The following EIF3L variants were observed in gnomAD, a reference collection of about 807,000 sequenced individuals.
The protein encoded by EIF3L is eukaryotic translation initiation factor 3 subunit L.
Under a neutral mutation model 74.6 loss-of-function variants are expected in EIF3L, and 32 were observed. The ratio of observed to expected loss-of-function variants is 0.43; its 90% CI spans 0.32 to 0.58. The LOEUF (loss-of-function observed/expected upper bound fraction) is 0.58. Among genes scored for constraint, EIF3L ranks in the 20% least tolerant of loss-of-function variants. The pLI is 0.06. For synonymous variants in EIF3L, 256 were observed against 254.4 expected, an observed-to-expected ratio of 1.01 and a Z score of -0.06; for missense variants, 474 against 707.8, an observed-to-expected ratio of 0.67 and a Z score of 3.75.
intron 7 of EIF3L, among the ~76,000 whole-genome samples, chr22:37,869,904 C>T (rs900532709): frequency 7.9e-5 from 12 of 152,150 alleles, no homozygotes; most frequent in African/African-American, 2.9e-4. Flanking sequence ...TGTTTGACTC[C>T]AGATTGGATG....
intron 8 of EIF3L, among the ~76,000 whole-genome samples, chr22:37,870,958 C>CA (rs966701195): frequency 2.6e-5 from 4 of 151,338 alleles, no homozygotes; most frequent in African/African-American, 4.9e-5. Context: ...GACTTTGTCT[C>CA]AAAAAAAATG....
At chr22:37,868,816 A>G (rs1301665332) in intron 7 of EIF3L, among the ~76,000 whole-genome samples, 1 of 151,248 alleles carries the variant, frequency 6.6e-6, no homozygotes, top group Non-Finnish European at 1.5e-5. Flanking sequence ...CTAGTTTTGC[A>G]TTTTTTGTAC....
intron 1 of EIF3L, 127 bp downstream of exon 1, chr22:37,849,609 C>G: frequency 9.3e-7 from 1 of 1,073,852 alleles, no homozygotes; most frequent in Non-Finnish European, 1.4e-6. Context: ...GCCCGGCCCT[C>G]AGGCTGCTCC....
intron 3 of EIF3L, 50 bp from the exon 4 acceptor site, chr22:37,855,515 G>C: frequency 6.6e-7 from 1 of 1,523,138 alleles, no homozygotes; most frequent in Non-Finnish European, 9.1e-7. Flanking sequence ...GTTAGGATTG[G>C]CATTCTCCAG....
chr22:37,877,464 A>T, intron 10 of EIF3L: 1 of 577,280 alleles, frequency 1.7e-6, no homozygotes, highest in Non-Finnish European at 3.0e-6. Flanking sequence ...TAAGGAATCC[A>T]GAAGATGGCT....
In EIF3L at chr22:37,862,419, T is replaced by C. The variant is rs12628622; in HGVS notation, c.436-550T>C. Reference sequence around the variant, plus strand: ...GTCTCGAGGGCCATGATGGTTTCTGTCAGATCTGTTCAGCTATGTCTTTGT... The same window carrying C: ...GTCTCGAGGGCCATGATGGTTTCTGCCAGATCTGTTCAGCTATGTCTTTGT... On this transcript the variant is annotated intron_variant, in intron 5 of 12. Transcript: ENST00000652021. 2.2e-4 allele frequency among the ~76,000 whole-genome samples: 33 copies of C among 152,326 alleles called. No homozygotes were observed. In the East Asian group the frequency reaches 5.8e-3, roughly 27 times the overall value.
intron 7 of EIF3L, among the ~76,000 whole-genome samples, chr22:37,866,556 C>T (rs940990214): frequency 3.9e-5 from 6 of 152,218 alleles, no homozygotes; most frequent in Non-Finnish European, 7.4e-5. Context: ...GAAGCCAAGG[C>T]GGGTGGATCA....
chr22:37,850,765 A>G (rs1233647000), intron 2 of EIF3L, among the ~76,000 whole-genome samples: 1 of 152,208 alleles, frequency 6.6e-6, no homozygotes, highest in Non-Finnish European at 1.5e-5. Context: ...AGTGTTATCC[A>G]TTGTTCTAAG....
intron 5 of EIF3L, among the ~76,000 whole-genome samples, 166 bp from the exon 6 acceptor site, chr22:37,862,803 T>C (rs5756843): frequency 0.58 from 87,832 of 152,098 alleles, 25,753 homozygotes; most frequent in East Asian, 0.86. Context: ...GTGCGTCAGC[T>C]GCTATAGGAC....
At chr22:37,860,415 C>T (rs1049434629) in intron 5 of EIF3L, among the ~76,000 whole-genome samples, 1 of 152,150 alleles carries the variant, frequency 6.6e-6, no homozygotes, top group African/African-American at 2.4e-5. Context: ...AATGCAGTGG[C>T]GCCGTCTCGG....
chr22:37,858,666 C>T lies in EIF3L; in HGVS notation c.374-13C>T, dbSNP rs1348235014. On this transcript the variant is annotated splice_polypyrimidine_tract_variant and intron_variant, in intron 4 of 12. Transcript: ENST00000652021. ...TTATGGTTAGTGAAGCACCCTTCTG[C>T]CATCTCTTTCAGATGCTGTCTTCCT... 8 of 1,609,664 alleles carry T rather than the reference C, an allele frequency of 5.0e-6. No homozygotes were observed. The highest frequency in any genetic ancestry group is 6.8e-6 in the Non-Finnish European group (8 of 1,178,646).
chr22:37,856,478 G>A (rs947861804), intron 4 of EIF3L, among the ~76,000 whole-genome samples: 1 of 152,174 alleles, frequency 6.6e-6, no homozygotes, highest in African/African-American at 2.4e-5. Context: ...CCAGAGTGCT[G>A]AGATTACAGG....
intron 5 of EIF3L, among the ~76,000 whole-genome samples, chr22:37,862,031 T>C (rs1299024529): frequency 6.6e-6 from 1 of 152,238 alleles, no homozygotes; most frequent in African/African-American, 2.4e-5. Context: ...AGACGGGGTC[T>C]TGCCATGTTG....
intron 5 of EIF3L, among the ~76,000 whole-genome samples, chr22:37,861,408 A>G (rs942379876): frequency 6.6e-6 from 1 of 152,342 alleles, no homozygotes; most frequent in East Asian, 1.9e-4. Context: ...ATTCCTGGCC[A>G]GGCGCTGTGG....
intron 4 of EIF3L, 112 bp from the exon 5 acceptor site, chr22:37,858,567 A>T: frequency 1.1e-6 from 1 of 918,226 alleles, no homozygotes; most frequent in Non-Finnish European, 1.7e-6. Context: ...ATAGCAATTT[A>T]GATGTTGTTT....
At chr22:37,873,329 C>T (rs1428991475) in intron 8 of EIF3L, among the ~76,000 whole-genome samples, 3 of 138,720 alleles carry the variant, frequency 2.2e-5, no homozygotes. Context: ...GGTGGAGTCT[C>T]GCTCTGTTGC....
At chr22:37,871,815 G>A (rs1926486851) in intron 8 of EIF3L, among the ~76,000 whole-genome samples, 1 of 148,482 alleles carries the variant, frequency 6.7e-6, no homozygotes, top group African/African-American at 2.5e-5. Context: ...GTTGCAGTGA[G>A]CCGAGATCGC....
intron 5 of EIF3L, among the ~76,000 whole-genome samples, chr22:37,861,587 G>A (rs1569114008): frequency 6.6e-6 from 1 of 151,970 alleles, no homozygotes; most frequent in Admixed American, 6.6e-5. Flanking sequence ...GGGAGGCTGA[G>A]ACGGAAGAAT....
intron 3 of EIF3L, 23 bp downstream of exon 3, chr22:37,851,513 G>T (rs1472667147): frequency 6.5e-7 from 1 of 1,539,190 alleles, no homozygotes; most frequent in African/African-American, 1.4e-5. Flanking sequence ...GGCTGAAAGG[G>T]CCTCTTTCTG....
Sources: gnomAD v4.1 joint callset for allele counts (sites outside exome capture counted in the v4.1 genomes callset) on GRCh38, gnomAD v4.1.1 for gene constraint, MANE v1.5 for transcripts, NCBI Gene and HGNC (gene_info 2026-07-23, HGNC 2026-07-21) for gene names.